RBFOX1: variants seen among roughly 807,000 people sequenced by gnomAD.
RBFOX1 encodes the protein RNA binding protein fox-1 homolog 1.
In RBFOX1, 8 loss-of-function variants were observed where a neutral mutation model predicts 57.7. That is an observed-to-expected ratio of 0.14 (90% CI 0.08 to 0.25). The LOEUF (loss-of-function observed/expected upper bound fraction) is 0.25. Ranked by LOEUF, RBFOX1 falls within the 10% of genes least tolerant of loss-of-function variation. The probability of loss-of-function intolerance (pLI) is 1.00; values close to 1 mark genes in which losing one functional copy is unlikely to be tolerated. For synonymous variants in RBFOX1, 326 were observed against 222.4 expected (o/e 1.47, Z -4.15); for missense variants, 611 against 548.5 (o/e 1.11, Z -1.14).
intron 2 of RBFOX1, among the ~76,000 whole-genome samples, chr16:5,555,217 A>G (rs2151092296): frequency 6.6e-6 from 1 of 152,278 alleles, no homozygotes; most frequent in Admixed American, 6.5e-5. Flanking sequence ...GGTTGGTGCA[A>G]AAGTAATTGC....
At chr16:7,568,095 C>G (rs2092317534) in intron 5 of RBFOX1, among the ~76,000 whole-genome samples, 1 of 151,898 alleles carries the variant, frequency 6.6e-6, no homozygotes, top group Non-Finnish European at 1.5e-5. Flanking sequence ...ATCCAGACAC[C>G]AAGAAAGGGT....
chr16:7,512,363 G>A (rs1465003697), intron 4 of RBFOX1, among the ~76,000 whole-genome samples: 5 of 152,212 alleles, frequency 3.3e-5, no homozygotes, highest in Non-Finnish European at 7.3e-5. Flanking sequence ...TGTCACTAGG[G>A]AGGAAACAAA....
intron 3 of RBFOX1, among the ~76,000 whole-genome samples, chr16:5,648,431 G>C (rs1486115256): frequency 6.6e-6 from 1 of 152,206 alleles, no homozygotes; most frequent in East Asian, 1.9e-4. Context: ...GGCTGACATA[G>C]GTTTCATCTA....
intron 1 of RBFOX1, among the ~76,000 whole-genome samples, chr16:5,268,735 A>T (rs2062925944): frequency 6.6e-6 from 1 of 152,206 alleles, no homozygotes; most frequent in Non-Finnish European, 1.5e-5. Flanking sequence ...CATAGATTAA[A>T]AGAGCCCAAG....
chr16:6,974,503 C>T (rs1338899762), intron 3 of RBFOX1, among the ~76,000 whole-genome samples: 2 of 151,734 alleles, frequency 1.3e-5, no homozygotes, highest in African/African-American at 2.4e-5. Flanking sequence ...TGCCACCACG[C>T]CCAGCTAATT....
chr16:6,866,717 T>C (rs1317325471), intron 3 of RBFOX1, among the ~76,000 whole-genome samples: 8 of 151,792 alleles, frequency 5.3e-5, no homozygotes, highest in Admixed American at 5.2e-4. Flanking sequence ...GATTTTTTTG[T>C]ATTTTTAGTA....
chr16:7,477,855 T>G (rs770057718), intron 4 of RBFOX1, among the ~76,000 whole-genome samples: 14 of 152,128 alleles, frequency 9.2e-5, no homozygotes, highest in Non-Finnish European at 1.5e-4. Context: ...GCAGAGATAA[T>G]ATCAGAGGGC....
At chr16:6,710,720 C>G (rs722256) in intron 3 of RBFOX1, among the ~76,000 whole-genome samples, 43,882 of 152,290 alleles carry the variant, frequency 0.29, 7,247 homozygotes, top group East Asian at 0.64. Context: ...TGCTTGCCCT[C>G]GGGTGGCCCA....
intron 3 of RBFOX1, among the ~76,000 whole-genome samples, chr16:5,702,206 A>G (rs1001400423): frequency 2.6e-5 from 4 of 152,234 alleles, no homozygotes; most frequent in African/African-American, 9.6e-5. Flanking sequence ...AACAGGAGGC[A>G]TGACTGGGAG....
At chr16:6,964,014 A>G (rs988961734) in intron 3 of RBFOX1, among the ~76,000 whole-genome samples, 2 of 137,354 alleles carry the variant, frequency 1.5e-5, no homozygotes, top group African/African-American at 5.5e-5. Flanking sequence ...TTATTTATTT[A>G]CCTATTTTTA....
intron 4 of RBFOX1, among the ~76,000 whole-genome samples, chr16:7,299,176 C>T (rs1042009911): frequency 6.6e-6 from 1 of 152,172 alleles, no homozygotes; most frequent in Non-Finnish European, 1.5e-5. Flanking sequence ...TTTCAGGTTA[C>T]CCATTTCTCC....
At chr16:5,411,823 C>T (rs891616628) in intron 1 of RBFOX1, among the ~76,000 whole-genome samples, 2 of 152,078 alleles carry the variant, frequency 1.3e-5, no homozygotes, top group East Asian at 3.9e-4. Context: ...GTGGAGGCTG[C>T]AATGAACTCT....
At chr16:5,861,074 AG>A (rs2057201391) in intron 3 of RBFOX1, among the ~76,000 whole-genome samples, 1 of 152,348 alleles carries the variant, frequency 6.6e-6, no homozygotes, top group South Asian at 2.1e-4. Context: ...GAACAATCTC[AG>A]TGTCAAGAGA....
At chr16:5,303,142 A>C (rs1318425139) in intron 1 of RBFOX1, among the ~76,000 whole-genome samples, 3 of 152,212 alleles carry the variant, frequency 2.0e-5, no homozygotes, top group Admixed American at 1.3e-4. Flanking sequence ...ATGATTCAGG[A>C]ATACAGCTGC....
intron 1 of RBFOX1, among the ~76,000 whole-genome samples, chr16:6,104,815 C>A (rs2096358848): frequency 6.6e-6 from 1 of 152,118 alleles, no homozygotes; most frequent in African/African-American, 2.4e-5. Flanking sequence ...ACATATTATG[C>A]AAAGTGAAGG....
rs540216833 is a variant in RBFOX1, at chr16:7,398,239, G to T, written c.28-119908G>T. 2.0e-5 allele frequency among the ~76,000 whole-genome samples: 3 copies of T among 152,310 alleles called. No homozygotes were observed. In the South Asian group the frequency reaches 6.2e-4, roughly 32 times the overall value. On this transcript the variant is annotated intron_variant, in intron 4 of 15. Transcript: ENST00000550418. ...TATCATTGCCTGACAGCTTATCACA[G>T]TGGCAGGAGCATAGGGTTGAATCTT...
chr16:7,702,673 C>G (rs539423511), intron 14 of RBFOX1, among the ~76,000 whole-genome samples: 1 of 152,162 alleles, frequency 6.6e-6, no homozygotes, highest in Non-Finnish European at 1.5e-5. Flanking sequence ...TTGGCTGTGA[C>G]TCCTTTCCAG....
chr16:7,383,214 A>G (rs1230775883), intron 4 of RBFOX1, among the ~76,000 whole-genome samples: 1 of 152,044 alleles, frequency 6.6e-6, no homozygotes, highest in East Asian at 1.9e-4. Context: ...GCCTGTATCA[A>G]AACATCTCAT....
intron 4 of RBFOX1, among the ~76,000 whole-genome samples, chr16:7,070,793 C>T (rs546752478): frequency 1.3e-5 from 2 of 152,302 alleles, no homozygotes; most frequent in South Asian, 4.1e-4. Context: ...CCCCCTTCCC[C>T]TTAGCCATTC....
Sources: allele counts gnomAD v4.1 joint callset (sites outside exome capture counted in the v4.1 genomes callset), GRCh38; gene constraint gnomAD v4.1.1; transcripts MANE v1.5; gene names NCBI Gene and HGNC (gene_info 2026-07-23, HGNC 2026-07-21).